Variants in NARS2 observed in about 807,000 individuals in gnomAD.
NARS2 encodes asparaginyl-tRNA synthetase 2, mitochondrial.
A neutral mutation model predicts 62.9 loss-of-function variants in NARS2; 60 were observed. That is an observed-to-expected ratio of 0.95 (90% CI 0.77 to 1.18). The LOEUF (loss-of-function observed/expected upper bound fraction) is 1.18, where lower values mean the gene tolerates loss of function less well. Among genes scored for constraint, NARS2 ranks in the 50% most tolerant of loss-of-function variants. NARS2 has a pLI of 0.00. For missense variants in NARS2, 619 were observed against 576.4 expected (o/e 1.07, Z -0.76); for synonymous variants, 196 against 200.0 (o/e 0.98, Z 0.17).
intron 5 of NARS2, among the ~76,000 whole-genome samples, chr11:78,558,802 T>C (rs566593697): frequency 1.3e-5 from 2 of 152,348 alleles, no homozygotes; most frequent in South Asian, 4.1e-4. Context: ...AAAAAATGTA[T>C]TTTTTAAAGA....
intron 11 of NARS2, among the ~76,000 whole-genome samples, chr11:78,459,662 T>C (rs10899508): frequency 1.3e-5 from 2 of 152,078 alleles, no homozygotes; most frequent in Admixed American, 1.3e-4. Context: ...CTTTCTGCCA[T>C]GACTGTGAGG....
At chr11:78,513,594 A>G (rs1428847032) in intron 6 of NARS2, among the ~76,000 whole-genome samples, 1 of 152,084 alleles carries the variant, frequency 6.6e-6, no homozygotes, top group African/African-American at 2.4e-5. Flanking sequence ...CCTGGTCAAC[A>G]TGGTAAAACC....
rs60510975 is a variant in NARS2, at chr11:78,568,698, T to G, written c.306A>C (p.Pro102=). The change falls in exon 3 of 14, where the codon CCA becomes CCC. Residue 102 remains proline (P), a synonymous_variant. Transcript: ENST00000281038. ...VEVQGQLIKS[P]SKRQNVELKA... ...TCAGTTCCACATTTTGCCTTTTGGA[T>G]GGACTTTTTATCAGCTGCCCTTGTA... The G allele has an allele frequency of 1.2e-6, 2 of 1,613,302 alleles. No individual in the cohort carries two copies. Among genetic ancestry groups the G allele is most frequent in the South Asian group, 2.2e-5 (2 of 91,012 alleles).
intron 5 of NARS2, among the ~76,000 whole-genome samples, chr11:78,530,646 T>C (rs1424763780): frequency 6.6e-6 from 1 of 152,166 alleles, no homozygotes; most frequent in African/African-American, 2.4e-5. Context: ...CTAATTTTTG[T>C]ATTTTTAGTA....
chr11:78,472,713 G>A (rs958044478), intron 9 of NARS2, among the ~76,000 whole-genome samples: 7 of 152,168 alleles, frequency 4.6e-5, no homozygotes, highest in African/African-American at 1.7e-4. Flanking sequence ...AAGGACAACA[G>A]TTTCTCTTTC....
chr11:78,573,190 G>GT (rs1281167571), intron 1 of NARS2: 3 of 152,184 alleles, frequency 2.0e-5, no homozygotes. Context: ...GGCAAGCCAT[G>GT]ACTGTGTCAG....
intron 6 of NARS2, among the ~76,000 whole-genome samples, chr11:78,503,789 G>A (rs1008011160): frequency 2.6e-5 from 4 of 152,136 alleles, no homozygotes; most frequent in Admixed American, 2.6e-4. Flanking sequence ...CCTATAGAAA[G>A]AATATATGAA....
At chr11:78,491,868 A>G (rs1050797890) in intron 7 of NARS2, among the ~76,000 whole-genome samples, 2 of 152,172 alleles carry the variant, frequency 1.3e-5, no homozygotes, top group African/African-American at 4.8e-5. Context: ...TATATATGGT[A>G]TTTATGTTTT....
At chr11:78,457,659 C>T (rs10899506) in intron 11 of NARS2, among the ~76,000 whole-genome samples, 34,198 of 151,988 alleles carry the variant, frequency 0.23, 4,189 homozygotes, top group East Asian at 0.42. Context: ...CCCAGTATAA[C>T]GCCTTTAGGG....
intron 11 of NARS2, among the ~76,000 whole-genome samples, chr11:78,459,492 AT>A (rs1241702949): frequency 4.1e-5 from 6 of 146,154 alleles, no homozygotes; most frequent in African/African-American, 1.4e-4. Flanking sequence ...CTGGTCTTGA[AT>A]CCCCTGCCTC....
intron 10 of NARS2, among the ~76,000 whole-genome samples, chr11:78,466,408 G>A (rs1316975768): frequency 1.3e-5 from 2 of 151,910 alleles, no homozygotes; most frequent in Admixed American, 6.6e-5. Context: ...TTGTTCCTAA[G>A]TCTCAGGAAA....
chr11:78,536,339 G>C (rs1006809625), intron 5 of NARS2, among the ~76,000 whole-genome samples: 22 of 152,160 alleles, frequency 1.4e-4, no homozygotes, highest in Non-Finnish European at 2.5e-4. Context: ...GCTCAGGCAA[G>C]TCTTTCAGGA....
intron 11 of NARS2, among the ~76,000 whole-genome samples, chr11:78,464,014 GGTGA>G (rs1858506985): frequency 6.6e-6 from 1 of 152,164 alleles, no homozygotes; most frequent in Non-Finnish European, 1.5e-5. Context: ...GGACCCTCAC[GGTGA>G]GTGTTACAGT....
At chr11:78,460,578 C>G (rs371557423) in intron 11 of NARS2, among the ~76,000 whole-genome samples, 3 of 152,094 alleles carry the variant, frequency 2.0e-5, no homozygotes, top group African/African-American at 4.8e-5. Flanking sequence ...TATTTAGGAG[C>G]GCAAAACTGA....
chr11:78,503,597 C>T (rs935889184), intron 6 of NARS2, among the ~76,000 whole-genome samples: 4 of 152,168 alleles, frequency 2.6e-5, no homozygotes, highest in Admixed American at 1.3e-4. Context: ...ATAATTGATA[C>T]GAAAGGTAGT....
intron 1 of NARS2, among the ~76,000 whole-genome samples, chr11:78,572,044 T>C (rs1856945534): frequency 6.6e-6 from 1 of 151,594 alleles, no homozygotes; most frequent in Non-Finnish European, 1.5e-5. Context: ...TAGCCGGGAG[T>C]GTTGGCGCTC....
chr11:78,504,518 T>C (rs1860414948), intron 6 of NARS2, among the ~76,000 whole-genome samples: 1 of 151,608 alleles, frequency 6.6e-6, no homozygotes, highest in African/African-American at 2.4e-5. Context: ...AAAACTAATG[T>C]GGCTAGCAAC....
rs555343233 is a variant in NARS2, at chr11:78,481,433, A to C, written c.823-2750T>G. 1.4e-3 allele frequency among the ~76,000 whole-genome samples: 209 copies of C among 152,276 alleles called. 1 individual carries two copies. The highest frequency in any genetic ancestry group is 2.2e-3 in the Non-Finnish European group (150 of 68,020). ...TTAAACAAAGCTAATACACATTGGGAGGAATAAAGAGCAGGTGGATTAGAT... is the reference window on the plus strand; with the variant it reads ...TTAAACAAAGCTAATACACATTGGGCGGAATAAAGAGCAGGTGGATTAGAT... On this transcript the variant is annotated intron_variant, in intron 7 of 13. Transcript: ENST00000281038.
chr11:78,493,060 T>C lies in NARS2; in HGVS notation c.822+3A>G. On this transcript the variant is annotated splice_donor_region_variant and intron_variant, in intron 7 of 13. Coordinates refer to ENST00000281038, the MANE Select transcript of NARS2 (RefSeq NM_024678.6). Reference sequence around the variant, plus strand: ...CCTGGTATTTTAAAACTTGTGTACCTACCTGCATAAGATCTTGAAGGCTGT... The same window carrying C: ...CCTGGTATTTTAAAACTTGTGTACCCACCTGCATAAGATCTTGAAGGCTGT... 1 of 1,607,106 alleles carries C rather than the reference T, an allele frequency of 6.2e-7. No individual in the cohort carries two copies. Among genetic ancestry groups the C allele is most frequent in the Admixed American group, 1.7e-5 (1 of 57,668 alleles).
Sources: allele counts gnomAD v4.1 joint callset (sites outside exome capture counted in the v4.1 genomes callset), GRCh38; gene constraint gnomAD v4.1.1; transcripts MANE v1.5; gene names NCBI Gene and HGNC (gene_info 2026-07-23, HGNC 2026-07-21).